MYO1H: variants seen among roughly 807,000 people sequenced by gnomAD.
MYO1H encodes unconventional myosin-Ih.
MYO1H carries 118 observed loss-of-function variants against 149.3 expected under a neutral mutation model. The observed-to-expected ratio is 0.79, with a 90% CI of 0.68 to 0.92. MYO1H has a LOEUF of 0.92. Ranked by LOEUF, MYO1H falls within the 40% of genes least tolerant of loss-of-function variation. MYO1H has a pLI of 0.00. For missense variants in MYO1H, 1,212 were observed against 1,280.7 expected, an observed-to-expected ratio of 0.95 and a Z score of 0.82; for synonymous variants, 447 against 465.2, an observed-to-expected ratio of 0.96 and a Z score of 0.50.
At chr12:109,358,343 G>A (rs368034232) in intron 1 of MYO1H, among the ~76,000 whole-genome samples, 6 of 152,110 alleles carry the variant, frequency 3.9e-5, no homozygotes, top group South Asian at 4.2e-4. Flanking sequence ...ACAGGATTCC[G>A]TGTTAGGGGA....
chr12:109,337,484 G>GC, the MYO1H span, among the ~76,000 whole-genome samples: 1 of 152,160 alleles, frequency 6.6e-6, no homozygotes, highest in Admixed American at 6.5e-5. Context: ...GGCTGGGGAG[G>GC]CCTCACAATA....
At chr12:109,364,587 G>T (rs978474666) in intron 1 of MYO1H, among the ~76,000 whole-genome samples, 1 of 152,000 alleles carries the variant, frequency 6.6e-6, no homozygotes, top group Non-Finnish European at 1.5e-5. Flanking sequence ...GGCTTCCCAC[G>T]TTCTTTTTTA....
chr12:109,405,140 G>A (rs1870321990), intron 7 of MYO1H, among the ~76,000 whole-genome samples: 1 of 151,922 alleles, frequency 6.6e-6, no homozygotes, highest in African/African-American at 2.4e-5. Context: ...TTGAGCCCAG[G>A]AGGTTGAGGC....
Position 109,365,870 on chromosome 12 carries a change from C to A in MYO1H, c.12+17898C>A, listed in dbSNP as rs560078857. 2.7e-4 allele frequency among the ~76,000 whole-genome samples: 41 copies of A among 152,162 alleles called. No individual in the cohort carries two copies. In the East Asian group the frequency reaches 6.8e-3, roughly 25 times the overall value. ...GTCCGTGGCCTGTTAGGAACTGGGC[C>A]GCACAGCAGGAGATGAGTGGTGGGT... On this transcript the variant is annotated intron_variant, in intron 1 of 31. Transcript: ENST00000310903.
intron 4 of MYO1H, 104 bp downstream of exon 4, chr12:109,396,686 G>A (rs1280258762): frequency 1.0e-6 from 1 of 953,560 alleles, no homozygotes; most frequent in Non-Finnish European, 1.5e-6. Context: ...TCACTGTTAA[G>A]AAAAGAGGTC....
exon 9 of MYO1H, chr12:109,406,838 A>G (rs376326721): frequency 2.5e-6 from 4 of 1,613,964 alleles, no homozygotes; most frequent in Non-Finnish European, 3.4e-6. Context: ...ACCCACAGAA[A>G]AATTGAAGCC....
chr12:109,441,696 AAC>A lies in MYO1H; in HGVS notation c.2622_2623del (p.Asn874LysfsTer5). The A allele has an allele frequency of 6.2e-7, 1 of 1,611,122 alleles. No homozygotes were observed. Among genetic ancestry groups the A allele is most frequent in the Non-Finnish European group, 8.5e-7 (1 of 1,178,166 alleles). On this transcript the variant is annotated frameshift_variant, in exon 26 of 32. Transcript: ENST00000310903. LOFTEE classifies it high-confidence loss of function. Reference sequence around the variant, plus strand: ...AGAAAGTTTAAATCAACCCTTTGTCAACAGTCGGATAGGTAAGTACATTTTCC... The same window carrying A: ...AGAAAGTTTAAATCAACCCTTTGTCAAGTCGGATAGGTAAGTACATTTTCC...
At chr12:109,410,768 G>A (rs1446989175) in exon 13 of MYO1H, 4 of 1,551,686 alleles carry the variant, frequency 2.6e-6, no homozygotes. Flanking sequence ...TATCTATTCT[G>A]GTGAGAAAAA....
chr12:109,368,517 G>T (rs1412278873), intron 1 of MYO1H, among the ~76,000 whole-genome samples: 1 of 151,934 alleles, frequency 6.6e-6, no homozygotes, highest in African/African-American at 2.4e-5. Flanking sequence ...TTAGCCAGGT[G>T]CAGTGGCACA....
At chr12:109,356,349 A>G (rs1204669906) in intron 1 of MYO1H, among the ~76,000 whole-genome samples, 2 of 151,838 alleles carry the variant, frequency 1.3e-5, no homozygotes, top group African/African-American at 2.4e-5. Context: ...TACCAGGAGG[A>G]TTCTCCTTAA....
the MYO1H span, among the ~76,000 whole-genome samples, chr12:109,336,536 G>T: frequency 6.6e-6 from 1 of 152,128 alleles, no homozygotes; most frequent in East Asian, 1.9e-4. Context: ...TTATTCTTAG[G>T]CAGATTCTCT....
At chr12:109,398,765 AG>A (rs1348490142) in intron 5 of MYO1H, among the ~76,000 whole-genome samples, 6 of 149,792 alleles carry the variant, frequency 4.0e-5, no homozygotes, top group Admixed American at 1.3e-4. Context: ...AAAAAAAAAA[AG>A]ACACAAGTAA....
chr12:109,341,669 TGG>T, the MYO1H span, among the ~76,000 whole-genome samples: 1 of 152,134 alleles, frequency 6.6e-6, no homozygotes, highest in African/African-American at 2.4e-5. Context: ...TCCTCTGTGA[TGG>T]GTTAGGGGTG....
At chr12:109,368,388 G>A (rs1011074455) in intron 1 of MYO1H, among the ~76,000 whole-genome samples, 2 of 152,192 alleles carry the variant, frequency 1.3e-5, no homozygotes, top group African/African-American at 2.4e-5. Context: ...GGGCACGGTG[G>A]CTCATGCCTG....
chr12:109,313,682 T>C, the MYO1H span, among the ~76,000 whole-genome samples: 13 of 152,230 alleles, frequency 8.5e-5, no homozygotes, highest in African/African-American at 2.4e-4. Flanking sequence ...TGTTCTGTTC[T>C]ACTTCCCAGA....
At chr12:109,432,146 T>C (rs1273189355) in intron 19 of MYO1H, among the ~76,000 whole-genome samples, 1 of 151,824 alleles carries the variant, frequency 6.6e-6, no homozygotes, top group African/African-American at 2.4e-5. Flanking sequence ...GGACTACAGG[T>C]GCCCGCCACC....
At chr12:109,365,849 G>A (rs550926680) in intron 1 of MYO1H, among the ~76,000 whole-genome samples, 13 of 152,192 alleles carry the variant, frequency 8.5e-5, no homozygotes, top group Middle Eastern at 6.8e-3. Context: ...GTACCGGTCC[G>A]TGGCCTGTTA....
intron 4 of MYO1H, among the ~76,000 whole-genome samples, chr12:109,397,230 A>C (rs1869955748): frequency 6.6e-6 from 1 of 152,184 alleles, no homozygotes; most frequent in Non-Finnish European, 1.5e-5. Flanking sequence ...TTTTCTTATT[A>C]TTGAGTTAAA....
intron 19 of MYO1H, among the ~76,000 whole-genome samples, chr12:109,430,361 C>T (rs1054877720): frequency 2.0e-5 from 3 of 152,148 alleles, no homozygotes; most frequent in African/African-American, 7.2e-5. Flanking sequence ...GGTACTAGTC[C>T]CTCCAACCTG....
Sources: allele counts gnomAD v4.1 joint callset (sites outside exome capture counted in the v4.1 genomes callset), GRCh38; gene constraint gnomAD v4.1.1; transcripts MANE v1.5; gene names NCBI Gene and HGNC (gene_info 2026-07-23, HGNC 2026-07-21).